KCNH5: variants seen among roughly 807,000 people sequenced by gnomAD.
KCNH5 encodes potassium voltage-gated channel subfamily H member 5.
KCNH5 carries 46 observed loss-of-function variants against 96.1 expected under a neutral mutation model. The observed-to-expected ratio is 0.48, with a 90% CI of 0.38 to 0.61. The LOEUF is 0.61. Among genes scored for constraint, KCNH5 ranks in the 20% least tolerant of loss-of-function variants. The pLI is 0.00. For missense variants in KCNH5, 907 were observed against 1,225.8 expected (o/e 0.74, Z 3.88); for synonymous variants, 439 against 449.8 (o/e 0.98, Z 0.30).
intron 1 of KCNH5, among the ~76,000 whole-genome samples, chr14:63,043,033 C>T (rs189595600): frequency 3.3e-5 from 5 of 152,082 alleles, no homozygotes; most frequent in African/African-American, 7.2e-5. Context: ...ACCAATGAAA[C>T]GATTATGAAC....
chr14:63,037,367 C>T (rs1891741056), intron 1 of KCNH5, among the ~76,000 whole-genome samples: 1 of 152,090 alleles, frequency 6.6e-6, no homozygotes, highest in Admixed American at 6.6e-5. Flanking sequence ...TTATGAATCC[C>T]TAGTGCTAGA....
intron 7 of KCNH5, among the ~76,000 whole-genome samples, chr14:62,865,332 TTAA>T (rs1888113258): frequency 9.9e-6 from 1 of 100,762 alleles, no homozygotes; most frequent in African/African-American, 3.8e-5. Flanking sequence ...AAAATGCTAT[TTAA>T]AAAAAAAAAA....
At chr14:62,831,447 GT>G (rs1277712037) in intron 8 of KCNH5, among the ~76,000 whole-genome samples, 2 of 152,228 alleles carry the variant, frequency 1.3e-5, no homozygotes, top group East Asian at 3.9e-4. Context: ...TAAGCACTGG[GT>G]TTTTTAGTTG....
intron 10 of KCNH5, among the ~76,000 whole-genome samples, chr14:62,719,701 C>A (rs1364712535): frequency 6.6e-6 from 1 of 152,188 alleles, no homozygotes; most frequent in African/African-American, 2.4e-5. Flanking sequence ...TGAAGTACGG[C>A]GCTGGGATTG....
chr14:62,908,382 C>T (rs1289477173), intron 7 of KCNH5, among the ~76,000 whole-genome samples: 2 of 152,142 alleles, frequency 1.3e-5, no homozygotes, highest in Non-Finnish European at 2.9e-5. Context: ...CCTGTTCACC[C>T]GCCTACTCAG....
intron 10 of KCNH5, among the ~76,000 whole-genome samples, chr14:62,730,768 G>A (rs533656262): frequency 1.3e-5 from 2 of 152,198 alleles, no homozygotes; most frequent in Admixed American, 6.5e-5. Context: ...TTACTGGTGG[G>A]CAAAGTTTAT....
chr14:62,827,155 G>C (rs1237330770), intron 8 of KCNH5, among the ~76,000 whole-genome samples: 1 of 152,132 alleles, frequency 6.6e-6, no homozygotes, highest in East Asian at 1.9e-4. Flanking sequence ...ATGTAATAAA[G>C]AAGACAGGTG....
At chr14:62,859,632 G>A (rs1454835713) in intron 7 of KCNH5, among the ~76,000 whole-genome samples, 2 of 152,164 alleles carry the variant, frequency 1.3e-5, no homozygotes, top group African/African-American at 4.8e-5. Flanking sequence ...ACTGGCTACA[G>A]CCCATGAATC....
In KCNH5 at chr14:62,706,531, C is replaced by A. The variant is rs1457202878; in HGVS notation, c.*977G>T. On this transcript the variant is annotated 3_prime_UTR_variant, in exon 11 of 11. Coordinates refer to ENST00000322893, the MANE Select transcript of KCNH5 (RefSeq NM_139318.5). ...TGTTTACATTCTTTTTTATTTTATA[C>A]CATAATAGTTAGCATTTTGATATGA... The A allele has an allele frequency of 6.6e-6, 1 of 151,902 alleles. No individual in the cohort carries two copies. Among genetic ancestry groups the A allele is most frequent in the Admixed American group, 6.6e-5 (1 of 15,242 alleles). The allele number at this position is 151,902 out of a possible 1,614,324, so 9.4% of individuals were successfully genotyped here.
intron 7 of KCNH5, among the ~76,000 whole-genome samples, chr14:62,864,336 AAT>A (rs979924239): frequency 4.5e-4 from 68 of 152,326 alleles, no homozygotes; most frequent in African/African-American, 1.4e-3. Flanking sequence ...CAATTTGGAG[AAT>A]ATCACTCTTC....
At position 62,914,043 on chromosome 14, in the gene KCNH5, G is replaced by A. The variant is rs565789555; in HGVS notation, c.1369+36090C>T. ...GAATGTAATCAGAGTGAAAAGGGCTGAATTTTCAGGAGTAAATGAACACCA... is the reference window on the plus strand; with the variant it reads ...GAATGTAATCAGAGTGAAAAGGGCTAAATTTTCAGGAGTAAATGAACACCA... On this transcript the variant is annotated intron_variant, in intron 7 of 10. Transcript: ENST00000322893. Among the ~76,000 whole-genome samples, 3 of 152,282 alleles carry A rather than the reference G, an allele frequency of 2.0e-5. No homozygotes were observed. The South Asian group carries it at 6.2e-4, about 32-fold the overall frequency.
At chr14:62,996,049 A>C (rs901930504) in intron 4 of KCNH5, among the ~76,000 whole-genome samples, 1 of 152,170 alleles carries the variant, frequency 6.6e-6, no homozygotes, top group Non-Finnish European at 1.5e-5. Flanking sequence ...CACCCAAATT[A>C]TTTTGATATT....
In KCNH5 at chr14:62,703,800, T is replaced by C. The variant is rs1442987386; in HGVS notation, c.*3708A>G. 1.3e-5 allele frequency: 2 copies of C among 151,892 alleles called. No homozygotes were observed. The highest frequency in any genetic ancestry group is 3.0e-5 in the Non-Finnish European group (2 of 67,796). The allele number at this position is 151,892 out of a possible 1,614,324, so 9.4% of individuals were successfully genotyped here. A position where few individuals can be genotyped will look rare whatever the true frequency, so the allele number is the denominator to read the frequency against. On this transcript the variant is annotated 3_prime_UTR_variant, in exon 11 of 11. Coordinates refer to ENST00000322893, the MANE Select transcript of KCNH5 (RefSeq NM_139318.5). ...GCACATTCTAGATAAATGTTCTCAT[T>C]ACCTACATGGAATTTTGGAAAACAA...
intron 7 of KCNH5, among the ~76,000 whole-genome samples, chr14:62,883,820 A>G (rs1231451105): frequency 6.6e-6 from 1 of 152,100 alleles, no homozygotes; most frequent in Non-Finnish European, 1.5e-5. Context: ...GTGGCTCACA[A>G]TAGATACAAA....
At chr14:62,908,790 T>TA in intron 7 of KCNH5, among the ~76,000 whole-genome samples, 1 of 116,338 alleles carries the variant, frequency 8.6e-6, no homozygotes. Context: ...GTATTTTTTT[T>TA]TTTTTTTTTT....
intron 10 of KCNH5, among the ~76,000 whole-genome samples, chr14:62,725,057 G>A (rs2139917751): frequency 6.6e-6 from 1 of 152,254 alleles, no homozygotes; most frequent in East Asian, 1.9e-4. Flanking sequence ...TAACACATTA[G>A]AATATATAAT....
chr14:62,798,761 T>C (rs1233335491), intron 9 of KCNH5, among the ~76,000 whole-genome samples: 1 of 152,248 alleles, frequency 6.6e-6, no homozygotes, highest in Non-Finnish European at 1.5e-5. Context: ...AACTTATTCA[T>C]TAAACTCCTT....
intron 10 of KCNH5, among the ~76,000 whole-genome samples, chr14:62,711,390 T>A (rs1054614210): frequency 1.3e-5 from 2 of 152,132 alleles, no homozygotes; most frequent in African/African-American, 4.8e-5. Flanking sequence ...GGATCTGTAT[T>A]TTGCTGTCGA....
chr14:62,784,517 T>A (rs935803455), intron 9 of KCNH5, among the ~76,000 whole-genome samples: 1 of 152,230 alleles, frequency 6.6e-6, no homozygotes, highest in East Asian at 1.9e-4. Flanking sequence ...TCCTACTGTA[T>A]GTTTTCCAAA....
Sources: gnomAD v4.1 joint callset for allele counts (sites outside exome capture counted in the v4.1 genomes callset) on GRCh38, gnomAD v4.1.1 for gene constraint, MANE v1.5 for transcripts, NCBI Gene and HGNC (gene_info 2026-07-23, HGNC 2026-07-21) for gene names.